Variants in QTMAN observed in about 807,000 individuals in gnomAD.
The protein encoded by QTMAN is queuosine-tRNA mannosyltransferase, also known as tRNA-queuosine alpha-mannosyltransferase.
chr2:144,190,939 T>C, the QTMAN span, among the ~76,000 whole-genome samples: 1 of 152,326 alleles, frequency 6.6e-6, no homozygotes, highest in East Asian at 1.9e-4. Flanking sequence ...GTTCCTCCAC[T>C]GTCCTCTTTT....
At chr2:144,110,691 A>C in the QTMAN span, among the ~76,000 whole-genome samples, 6,242 of 138,980 alleles carry the variant, frequency 0.045, 528 homozygotes, top group African/African-American at 0.16. Flanking sequence ...CCCCCCCCAA[A>C]AAAAAAAAAC....
the QTMAN span, among the ~76,000 whole-genome samples, chr2:143,973,258 C>T: frequency 6.6e-6 from 1 of 151,814 alleles, no homozygotes. Context: ...AGAGGTGCCA[C>T]CATTATGAAC....
chr2:144,174,312 C>A, the QTMAN span, among the ~76,000 whole-genome samples: 1 of 152,144 alleles, frequency 6.6e-6, no homozygotes, highest in Non-Finnish European at 1.5e-5. Context: ...GCACCAAGAT[C>A]TAGAAACTAT....
At chr2:143,980,666 A>T in the QTMAN span, among the ~76,000 whole-genome samples, 1 of 152,210 alleles carries the variant, frequency 6.6e-6, no homozygotes, top group Non-Finnish European at 1.5e-5. Flanking sequence ...TAATCAATTT[A>T]TCACCAACCT....
At chr2:144,130,778 G>A in the QTMAN span, among the ~76,000 whole-genome samples, 26 of 151,940 alleles carry the variant, frequency 1.7e-4, no homozygotes, top group South Asian at 5.0e-3. Context: ...AGCAGCCACT[G>A]GTTATCAGAA....
At chr2:144,300,294 A>AT in the QTMAN span, among the ~76,000 whole-genome samples, 32 of 152,096 alleles carry the variant, frequency 2.1e-4, no homozygotes, top group African/African-American at 3.1e-4. Flanking sequence ...AGTAAAAACT[A>AT]TTTTTTTTAA....
the QTMAN span, among the ~76,000 whole-genome samples, chr2:144,291,990 G>C: frequency 0.087 from 13,235 of 152,222 alleles, 707 homozygotes; most frequent in East Asian, 0.17. Context: ...ATGAACATTT[G>C]GTTTGAATTC....
At chr2:143,954,426 T>C in the QTMAN span, among the ~76,000 whole-genome samples, 34 of 152,118 alleles carry the variant, frequency 2.2e-4, no homozygotes, top group African/African-American at 7.0e-4. Context: ...CGAAAGAAAA[T>C]TGCAGGCCAA....
chr2:144,177,251 A>AC, the QTMAN span: 1 of 608,970 alleles, frequency 1.6e-6, no homozygotes, highest in South Asian at 1.7e-5. Flanking sequence ...CTTGATCCCA[A>AC]TAAAAAAAAA....
At chr2:144,051,488 C>T in the QTMAN span, among the ~76,000 whole-genome samples, 4 of 152,120 alleles carry the variant, frequency 2.6e-5, no homozygotes, top group African/African-American at 4.8e-5. Context: ...CTACTAAACT[C>T]CAGCCTGAGT....
chr2:144,256,992 TTAC>T, the QTMAN span, among the ~76,000 whole-genome samples: 3 of 151,930 alleles, frequency 2.0e-5, no homozygotes, highest in African/African-American at 4.8e-5. Context: ...TCAGGATATT[TTAC>T]TACTATGTTC....
the QTMAN span, among the ~76,000 whole-genome samples, chr2:144,032,517 C>T: frequency 6.6e-6 from 1 of 152,152 alleles, no homozygotes; most frequent in Non-Finnish European, 1.5e-5. Flanking sequence ...TAGTATCCGT[C>T]TTGCATATTA....
chr2:144,163,773 AC>A, the QTMAN span, among the ~76,000 whole-genome samples: 1 of 152,208 alleles, frequency 6.6e-6, no homozygotes, highest in Non-Finnish European at 1.5e-5. Context: ...TAATGTTTAA[AC>A]TAGAACTGTG....
chr2:144,230,526 G>C, the QTMAN span, among the ~76,000 whole-genome samples: 1 of 151,980 alleles, frequency 6.6e-6, no homozygotes, highest in Non-Finnish European at 1.5e-5. Flanking sequence ...GGCTATGTGT[G>C]GGTATTCAAC....
the QTMAN span, among the ~76,000 whole-genome samples, chr2:143,965,658 C>A: frequency 6.6e-6 from 1 of 152,210 alleles, no homozygotes; most frequent in Non-Finnish European, 1.5e-5. Flanking sequence ...TGTTTAGCAG[C>A]ACCTCTGGCC....
chr2:144,273,422 G>C, the QTMAN span, among the ~76,000 whole-genome samples: 1 of 152,106 alleles, frequency 6.6e-6, no homozygotes, highest in Admixed American at 6.5e-5. Flanking sequence ...TCTCCTCTAA[G>C]TTGTGACGGC....
the QTMAN span, among the ~76,000 whole-genome samples, chr2:144,233,647 T>C: frequency 2.0e-5 from 3 of 152,182 alleles, no homozygotes; most frequent in African/African-American, 4.8e-5. Context: ...TGAGACAGTG[T>C]AGGATTGTCA....
chr2:144,168,063 C>T, the QTMAN span, among the ~76,000 whole-genome samples: 12 of 152,218 alleles, frequency 7.9e-5, no homozygotes, highest in East Asian at 3.9e-4. Context: ...CAAATCCTTA[C>T]GGAAACTAAC....
chr2:143,949,751 T>C, the QTMAN span, among the ~76,000 whole-genome samples: 4 of 151,924 alleles, frequency 2.6e-5, no homozygotes, highest in Non-Finnish European at 5.9e-5. Context: ...TAAAAGCAAA[T>C]GTTACCTGAA....
Sources: gnomAD v4.1 joint callset for allele counts (sites outside exome capture counted in the v4.1 genomes callset) on GRCh38, gnomAD v4.1.1 for gene constraint, MANE v1.5 for transcripts, NCBI Gene and HGNC (gene_info 2026-07-23, HGNC 2026-07-21) for gene names.